Variants in ZP3 observed in about 807,000 individuals in gnomAD.
ZP3 encodes zona pellucida glycoprotein 3.
ZP3 carries 21 observed loss-of-function variants against 35.6 expected under a neutral mutation model. That is an observed-to-expected ratio of 0.59 (90% CI 0.42 to 0.85). The LOEUF is 0.85. ZP3 is among the 40% of genes least tolerant of loss of function. ZP3 has a pLI of 0.00. For missense variants in ZP3, 437 were observed against 536.5 expected (o/e 0.81, Z 1.83); for synonymous variants, 207 against 214.5 (o/e 0.96, Z 0.31).
intron 1 of ZP3, among the ~76,000 whole-genome samples, chr7:76,427,597 A>G (rs1011144011): frequency 6.6e-6 from 1 of 152,000 alleles, no homozygotes; most frequent in Admixed American, 6.6e-5. Context: ...CCAGTGCTTA[A>G]TGGAATGCCC....
At chr7:76,434,635 T>G (rs1805936738) in intron 5 of ZP3, among the ~76,000 whole-genome samples, 1 of 115,592 alleles carries the variant, frequency 8.7e-6, no homozygotes, top group Non-Finnish European at 1.8e-5. Flanking sequence ...AGACTCCATC[T>G]CCAAAAAAAA....
At chr7:76,440,662 G>A (rs1806171581) in intron 7 of ZP3, 51 bp downstream of exon 7, 2 of 1,563,052 alleles carry the variant, frequency 1.3e-6, no homozygotes, top group East Asian at 2.3e-5. Context: ...ACTCAGTTGA[G>A]GGTACCTGCT....
chr7:76,438,790 A>G (rs1335500002), intron 5 of ZP3, among the ~76,000 whole-genome samples: 2 of 130,546 alleles, frequency 1.5e-5, no homozygotes, highest in Middle Eastern at 3.3e-3. Context: ...TAGCAGAGGT[A>G]TGTGCAAGGA....
chr7:76,416,953 T>TACAC (rs1554623917), intron 1 of ZP3, among the ~76,000 whole-genome samples: 45 of 121,366 alleles, frequency 3.7e-4, no homozygotes, highest in African/African-American at 1.8e-3. Context: ...TACATATATA[T>TACAC]ATATATATAT....
At chr7:76,437,794 C>T (rs1806069094) in intron 5 of ZP3, among the ~76,000 whole-genome samples, 2 of 152,036 alleles carry the variant, frequency 1.3e-5, no homozygotes, top group Admixed American at 6.6e-5. Context: ...CCACCACGCC[C>T]AGCCTAGACC....
At chr7:76,435,732 A>ATTTT (rs71521128) in intron 5 of ZP3, among the ~76,000 whole-genome samples, 1 of 137,490 alleles carries the variant, frequency 7.3e-6, no homozygotes, top group Non-Finnish European at 1.6e-5. Context: ...TACCACCAGC[A>ATTTT]TTTTTTTTTT....
At chr7:76,399,336 T>C (rs576373740) in intron 1 of ZP3, among the ~76,000 whole-genome samples, 15 of 152,184 alleles carry the variant, frequency 9.9e-5, no homozygotes, top group South Asian at 8.3e-4. Context: ...TTAAAGCAGT[T>C]CACCTCCCTT....
rs1177048390 is a variant in ZP3, at chr7:76,440,623, A to G, written c.1060+12A>G. Reference sequence around the variant, plus strand: ...TAACCGCAGGCATGGTATGTCACAGAATGGCCAAGAGGCTGTTCATTGTCC... The same window carrying G: ...TAACCGCAGGCATGGTATGTCACAGGATGGCCAAGAGGCTGTTCATTGTCC... On this transcript the variant is annotated intron_variant, in intron 7 of 7. Transcript: ENST00000394857. The G allele has an allele frequency of 4.4e-6, 7 of 1,605,310 alleles. No individual in the cohort carries two copies. The Admixed American group carries it at 1.0e-4, about 23-fold the overall frequency.
intron 2 of ZP3, among the ~76,000 whole-genome samples, chr7:76,431,947 C>T (rs1490634613): frequency 2.0e-5 from 3 of 151,722 alleles, no homozygotes; most frequent in Admixed American, 1.3e-4. Flanking sequence ...CTCAAGCATC[C>T]TGTGGAGTAC....
At chr7:76,431,732 T>C (rs1260970741) in intron 2 of ZP3, among the ~76,000 whole-genome samples, 2 of 152,072 alleles carry the variant, frequency 1.3e-5, no homozygotes, top group Admixed American at 6.6e-5. Context: ...ACCCCGTCTC[T>C]ACTAAAAATA....
chr7:76,426,654 C>A (rs117043469), intron 1 of ZP3, among the ~76,000 whole-genome samples: 22 of 152,156 alleles, frequency 1.4e-4, no homozygotes, highest in Admixed American at 3.3e-4. Flanking sequence ...GGCTCCCCCC[C>A]CTTCTGTGAA....
At position 76,429,528 on chromosome 7, in the gene ZP3, C is replaced by A; in HGVS notation, c.326C>A (p.Ala109Asp). The A allele has an allele frequency of 1.2e-6, 2 of 1,614,012 alleles. No individual in the cohort carries two copies. Among genetic ancestry groups the A allele is most frequent in the Non-Finnish European group, 1.7e-6 (2 of 1,179,920 alleles). The change falls in exon 2 of 8, where the codon GCC (alanine) becomes GAC (aspartate). Residue 109 changes from alanine to aspartate, a missense_variant. Physicochemically the swap from Ala to Asp is moderately radical, Grantham distance 126. Around this residue, in one of 6 missense-constraint regions of ZP3, gnomAD observed 352 missense variants for 308.4 expected, o/e 1.14. Transcript: ENST00000394857. ...CGNSMQVTDDALVYSTFLLHD... is the reference protein window; with the variant it reads ...CGNSMQVTDDDLVYSTFLLHD... The stretch of plus-strand genomic sequence containing the variant: ...CCTTTCCTCCAGGTAACTGACGATG[C>A]CCTGGTGTACAGCACCTTCCTGCTC...
At chr7:76,438,186 C>T (rs1249626195) in intron 5 of ZP3, among the ~76,000 whole-genome samples, 6 of 152,164 alleles carry the variant, frequency 3.9e-5, no homozygotes, top group South Asian at 2.1e-4. Flanking sequence ...GACCTGGGGA[C>T]GGGCCAAGGC....
intron 1 of ZP3, among the ~76,000 whole-genome samples, chr7:76,410,400 G>A (rs2115834359): frequency 6.6e-6 from 1 of 151,146 alleles, no homozygotes; most frequent in Middle Eastern, 3.4e-3. Flanking sequence ...TGCCCAGGCT[G>A]GAGTGCAATG....
chr7:76,418,127 A>G (rs1309136134), intron 1 of ZP3, among the ~76,000 whole-genome samples: 6 of 151,742 alleles, frequency 4.0e-5, no homozygotes, highest in African/African-American at 1.5e-4. Flanking sequence ...TTTAGCGGAG[A>G]CAGGATTTCG....
chr7:76,403,673 T>C (rs1446582113), intron 1 of ZP3, among the ~76,000 whole-genome samples: 1 of 150,142 alleles, frequency 6.7e-6, no homozygotes, highest in Non-Finnish European at 1.5e-5. Context: ...TATCTTTATT[T>C]CTTTTTGAGA....
chr7:76,413,614 A>T (rs199680549), intron 1 of ZP3, among the ~76,000 whole-genome samples: 57 of 73,700 alleles, frequency 7.7e-4, no homozygotes, highest in African/African-American at 1.7e-3. Flanking sequence ...ACTTTTTTTT[A>T]AAAAAAAGCC....
intron 2 of ZP3, among the ~76,000 whole-genome samples, chr7:76,432,483 CTCTTT>C (rs1253485144): frequency 1.3e-5 from 2 of 152,030 alleles, no homozygotes; most frequent in African/African-American, 2.4e-5. Context: ...CGTGCCTGGC[CTCTTT>C]TCTTTTTTAT....
intron 1 of ZP3, chr7:76,401,069 G>A: frequency 6.5e-7 from 1 of 1,533,970 alleles, no homozygotes; most frequent in Middle Eastern, 1.7e-4. Flanking sequence ...GAAGAGCATT[G>A]GCCCCTCTGC....
Sources: allele counts gnomAD v4.1 joint callset (sites outside exome capture counted in the v4.1 genomes callset), GRCh38; gene constraint gnomAD v4.1.1; regional missense constraint gnomAD v4.1.1; transcripts MANE v1.5; gene names NCBI Gene and HGNC (gene_info 2026-07-23, HGNC 2026-07-21).